The following SLC5A8 variants were observed in gnomAD, a reference collection of about 807,000 sequenced individuals.
SLC5A8 encodes sodium-coupled monocarboxylate transporter 1.
Under a neutral mutation model 71.9 loss-of-function variants are expected in SLC5A8, and 55 were observed. That is an observed-to-expected ratio of 0.77 (90% CI 0.62 to 0.96). The LOEUF is 0.96. Among genes scored for constraint, SLC5A8 ranks in the 40% least tolerant of loss-of-function variants. SLC5A8 has a pLI of 0.00. For synonymous variants in SLC5A8, 307 were observed against 276.1 expected (o/e 1.11, Z -1.11); for missense variants, 701 against 745.3 (o/e 0.94, Z 0.69).
intron 10 of SLC5A8, among the ~76,000 whole-genome samples, chr12:101,172,871 T>G (rs1593366991): frequency 6.6e-6 from 1 of 152,118 alleles, no homozygotes; most frequent in African/African-American, 2.4e-5. Context: ...TAAAAACATC[T>G]GTAAACCATC....
chr12:101,174,989 T>C (rs1311209237), intron 10 of SLC5A8, among the ~76,000 whole-genome samples: 1 of 151,600 alleles, frequency 6.6e-6, no homozygotes, highest in East Asian at 1.9e-4. Context: ...AATTATTTGA[T>C]AAAAAATTTA....
At position 101,190,592 on chromosome 12, in the gene SLC5A8, A is replaced by G. The variant is rs763701121; in HGVS notation, c.709T>C (p.Leu237=). The part of the protein sequence containing the change: ...LNFWNFNPNP[L]QRHTFWTIII... ...ATTGTCCAGAAGGTGTGTCTTTGCA[A>G]AGGGTTAGGATTAAAACTAAATGAC... The change falls in exon 6 of 15, where the codon TTG becomes CTG. Residue 237 remains leucine, a synonymous_variant. Transcript: ENST00000536262. 11 of 1,611,056 alleles carry G rather than the reference A, an allele frequency of 6.8e-6. No homozygotes were observed. Among genetic ancestry groups the G allele is most frequent in the East Asian group, 6.7e-5 (3 of 44,740 alleles).
intron 10 of SLC5A8, among the ~76,000 whole-genome samples, chr12:101,177,439 G>GTA (rs76214565): frequency 6.8e-6 from 1 of 146,530 alleles, no homozygotes; most frequent in South Asian, 2.2e-4. Flanking sequence ...ACCAAAGGCA[G>GTA]TATATACACA....
chr12:101,170,431 C>T (rs349665), intron 10 of SLC5A8, among the ~76,000 whole-genome samples: 29,888 of 151,984 alleles, frequency 0.2, 3,623 homozygotes, highest in East Asian at 0.53. Flanking sequence ...GAAGGCAGCC[C>T]GCTAGGGACC....
At chr12:101,204,335 A>G (rs1869586619) in intron 2 of SLC5A8, among the ~76,000 whole-genome samples, 165 bp downstream of exon 2, 2 of 152,230 alleles carry the variant, frequency 1.3e-5, no homozygotes. Context: ...TGATGATCTT[A>G]AGGGTTGATG....
At chr12:101,174,218 G>C (rs2051858429) in intron 10 of SLC5A8, among the ~76,000 whole-genome samples, 1 of 152,178 alleles carries the variant, frequency 6.6e-6, no homozygotes, top group African/African-American at 2.4e-5. Flanking sequence ...CTCAATGCCA[G>C]TTGTGTTCAG....
At chr12:101,197,411 T>C (rs2671442) in intron 3 of SLC5A8, among the ~76,000 whole-genome samples, 79,115 of 151,998 alleles carry the variant, frequency 0.52, 21,884 homozygotes, top group African/African-American at 0.72. Flanking sequence ...CTTATAGATA[T>C]TGCCTATGAA....
chr12:101,202,035 C>A (rs191807388), intron 3 of SLC5A8, 129 bp downstream of exon 3: 2 of 908,310 alleles, frequency 2.2e-6, no homozygotes, highest in Admixed American at 2.1e-5. Context: ...CATCCTGCCC[C>A]GCTAAGTAAA....
At position 101,157,260 on chromosome 12, in the gene SLC5A8, A is replaced by G; in HGVS notation, c.*19T>C. 1 of 1,606,318 alleles carries G rather than the reference A, an allele frequency of 6.2e-7. No homozygotes were observed. Among genetic ancestry groups the G allele is most frequent in the Non-Finnish European group, 8.5e-7 (1 of 1,176,728 alleles). Reference sequence around the variant, plus strand: ...TAAAATTGAAACATCATTTAAGGATATCTAGTATCAGAGCAGCTTCACAAA... The same window carrying G: ...TAAAATTGAAACATCATTTAAGGATGTCTAGTATCAGAGCAGCTTCACAAA... On this transcript the variant is annotated 3_prime_UTR_variant, in exon 15 of 15. Coordinates refer to ENST00000536262, the MANE Select transcript of SLC5A8 (RefSeq NM_145913.5).
chr12:101,178,022 A>T (rs538726121), intron 10 of SLC5A8, among the ~76,000 whole-genome samples: 72 of 152,302 alleles, frequency 4.7e-4, no homozygotes, highest in Non-Finnish European at 8.1e-4. Flanking sequence ...ACAAAGAAGC[A>T]AAAAATTATC....
chr12:101,175,129 T>C lies in SLC5A8; in HGVS notation c.1233+4900A>G, dbSNP rs148986935. 6.4e-4 allele frequency among the ~76,000 whole-genome samples: 98 copies of C among 151,950 alleles called. 1 individual carries two copies. In the East Asian group the frequency reaches 0.011, roughly 18 times the overall value. On this transcript the variant is annotated intron_variant, in intron 10 of 14. Coordinates refer to ENST00000536262, the MANE Select transcript of SLC5A8 (RefSeq NM_145913.5). ...AAAGAAGATATTAGGAAGAACCAAATGAAACTGTTACTCTGAACAAATACA... is the reference window on the plus strand; with the variant it reads ...AAAGAAGATATTAGGAAGAACCAAACGAAACTGTTACTCTGAACAAATACA...
At chr12:101,164,544 A>G (rs751579755) in intron 12 of SLC5A8, among the ~76,000 whole-genome samples, 3 of 152,198 alleles carry the variant, frequency 2.0e-5, no homozygotes, top group South Asian at 4.1e-4. Context: ...CTCCAGCCCT[A>G]TGGAACTAGG....
At chr12:101,158,814 C>T (rs117329775) in intron 13 of SLC5A8, among the ~76,000 whole-genome samples, 1,637 of 150,804 alleles carry the variant, frequency 0.011, 16 homozygotes, top group South Asian at 0.028. Flanking sequence ...AGCTGCTTTT[C>T]CCCACTTTGT....
At chr12:101,201,713 T>C (rs1869461099) in intron 3 of SLC5A8, among the ~76,000 whole-genome samples, 1 of 152,140 alleles carries the variant, frequency 6.6e-6, no homozygotes. Context: ...ATCACATGGC[T>C]CTCTTTCTCT....
rs2051664891 is a variant in SLC5A8, at chr12:101,156,606, C to T, written c.*673G>A. On this transcript the variant is annotated 3_prime_UTR_variant, in exon 15 of 15. Transcript: ENST00000536262. ...GTCTAAGAAAGGCAGTATCAGCAGC[C>T]AAAGCCCAGAAACTCTAGAAAACAA... 1 of 152,172 alleles carries T rather than the reference C, an allele frequency of 6.6e-6. No individual in the cohort carries two copies. Among genetic ancestry groups the T allele is most frequent in the Admixed American group, 6.6e-5 (1 of 15,260 alleles). 9.4% of individuals were successfully genotyped at this position (152,172 alleles called of 1,614,324 possible). A position where few individuals can be genotyped will look rare whatever the true frequency, so the allele number is the denominator to read the frequency against.
rs576528162 is a variant in SLC5A8, at chr12:101,157,976, C to T, written c.1710+273G>A. On this transcript the variant is annotated intron_variant, in intron 14 of 14. Transcript: ENST00000536262. Reference sequence around the variant, plus strand: ...AGAGAGATATACAGCAGATAAAGATCATCAAAGGAAAGAGGATATGCAACA... The same window carrying T: ...AGAGAGATATACAGCAGATAAAGATTATCAAAGGAAAGAGGATATGCAACA... Among the ~76,000 whole-genome samples, 23 of 152,106 alleles carry T rather than the reference C, an allele frequency of 1.5e-4. No individual in the cohort carries two copies. The South Asian group carries it at 4.4e-3, about 29-fold the overall frequency.
intron 12 of SLC5A8, among the ~76,000 whole-genome samples, chr12:101,164,643 T>G (rs1245938537): frequency 1.3e-5 from 2 of 152,084 alleles, no homozygotes; most frequent in African/African-American, 4.8e-5. Context: ...CCTCCTTCCT[T>G]GCGATACAGA....
At chr12:101,204,990 T>C (rs1319724231) in intron 1 of SLC5A8, among the ~76,000 whole-genome samples, 1 of 152,210 alleles carries the variant, frequency 6.6e-6, no homozygotes, top group Non-Finnish European at 1.5e-5. Flanking sequence ...TCTCTTTCTC[T>C]TGGTATCTAC....
At position 101,209,503 on chromosome 12, in the gene SLC5A8, A is replaced by G. The variant is rs1293164445; in HGVS notation, c.346T>C (p.Tyr116His). The change falls in exon 1 of 15, where the codon TAC becomes CAC. Residue 116 changes from tyrosine to histidine, a missense_variant. Tyr to His is a moderately conservative substitution (Grantham distance 83). Coordinates refer to ENST00000536262, the MANE Select transcript of SLC5A8 (RefSeq NM_145913.5). The part of the protein sequence containing the change: ...VFYKLGITST[Y>H]EYLELRFNKC... ...CAGCCCACCCTGCCCCTTACCTCGT[A>G]GGTGCTGGTAATTCCCAGTTTGTAG... is the stretch of plus-strand genomic sequence containing the variant. 1.5e-6 allele frequency: 2 copies of G among 1,317,568 alleles called. No homozygotes were observed. The highest frequency in any genetic ancestry group is 2.1e-6 in the Non-Finnish European group (2 of 931,546). 81.6% of individuals were successfully genotyped at this position (1,317,568 alleles called of 1,614,324 possible). A position where few individuals can be genotyped will look rare whatever the true frequency, so the allele number is the denominator to read the frequency against.
Sources: allele counts gnomAD v4.1 joint callset (sites outside exome capture counted in the v4.1 genomes callset), GRCh38; gene constraint gnomAD v4.1.1; transcripts MANE v1.5; gene names NCBI Gene and HGNC (gene_info 2026-07-23, HGNC 2026-07-21).